AOPEP: variants seen among roughly 807,000 people sequenced by gnomAD.
AOPEP encodes the protein aminopeptidase O (putative), also known as aminopeptidase O.
AOPEP carries 77 observed loss-of-function variants against 98.1 expected under a neutral mutation model. The observed-to-expected ratio is 0.78, with a 90% CI of 0.65 to 0.95. AOPEP has a LOEUF of 0.95. AOPEP is among the 40% of genes least tolerant of loss of function. AOPEP has a pLI of 0.00. For missense variants in AOPEP, 1,024 were observed against 1,024.7 expected (o/e 1.00, Z 0.01); for synonymous variants, 346 against 365.3 (o/e 0.95, Z 0.60).
chr9:94,791,135 T>C (rs1281067557), intron 3 of AOPEP, among the ~76,000 whole-genome samples: 2 of 152,146 alleles, frequency 1.3e-5, no homozygotes, highest in African/African-American at 2.4e-5. Flanking sequence ...GTAGCACATA[T>C]ATACCATAGA....
intron 7 of AOPEP, among the ~76,000 whole-genome samples, chr9:94,945,375 C>A (rs1345052706): frequency 1.3e-5 from 2 of 152,176 alleles, no homozygotes; most frequent in Non-Finnish European, 2.9e-5. Context: ...CATTGGGCGT[C>A]ATCATGGTCA....
chr9:94,935,527 G>A (rs1164667785), intron 7 of AOPEP, among the ~76,000 whole-genome samples: 3 of 152,114 alleles, frequency 2.0e-5, no homozygotes, highest in Non-Finnish European at 4.4e-5. Flanking sequence ...TCAGTTGTTC[G>A]CATCAGGCAG....
At chr9:94,752,905 C>T (rs1836159368) in intron 1 of AOPEP, among the ~76,000 whole-genome samples, 1 of 152,160 alleles carries the variant, frequency 6.6e-6, no homozygotes, top group South Asian at 2.1e-4. Context: ...TCAACTGGTA[C>T]TTTGAGATGC....
At chr9:95,017,470 A>G (rs930183297) in intron 13 of AOPEP, among the ~76,000 whole-genome samples, 8 of 152,188 alleles carry the variant, frequency 5.3e-5, no homozygotes, top group African/African-American at 1.4e-4. Flanking sequence ...ATACAGTATT[A>G]TATTCTTATG....
At chr9:94,735,466 T>G (rs1831538408) in intron 1 of AOPEP, among the ~76,000 whole-genome samples, 1 of 152,138 alleles carries the variant, frequency 6.6e-6, no homozygotes, top group Non-Finnish European at 1.5e-5. Flanking sequence ...GTGATCCACC[T>G]GCCTTGGCCT....
chr9:95,012,905 GTTT>G (rs2062647276), intron 13 of AOPEP, among the ~76,000 whole-genome samples: 2 of 117,224 alleles, frequency 1.7e-5, no homozygotes, highest in Non-Finnish European at 3.5e-5. Flanking sequence ...CGCTATTCAG[GTTT>G]TTATTTATTT....
chr9:94,925,786 T>C (rs1282706873), intron 6 of AOPEP, among the ~76,000 whole-genome samples: 3 of 152,220 alleles, frequency 2.0e-5, no homozygotes, highest in Non-Finnish European at 2.9e-5. Flanking sequence ...CAGTCCTGGC[T>C]CTGCCATTCG....
In AOPEP at chr9:94,743,193, A is replaced by AGAAGAAGAG. The variant is rs201608054; in HGVS notation, c.-135-16429_-135-16421dup. Among the ~76,000 whole-genome samples the AGAAGAAGAG allele has an allele frequency of 7.6e-3, 926 of 121,964 alleles. 6 individuals are homozygous for AGAAGAAGAG. The highest frequency in any genetic ancestry group is 0.015 in the African/African-American group (454 of 31,258). The allele number at this position is 121,964 out of a possible 152,430, so 80.0% of individuals were successfully genotyped here. A position where few individuals can be genotyped will look rare whatever the true frequency, so the allele number is the denominator to read the frequency against. On this transcript the variant is annotated intron_variant, in intron 1 of 16. Transcript: ENST00000375315. ...AAGAAGAAGAAGAAGAAGAAGAAGAAGAAGAAGAGGAAGAAGAGGAAGAAG... is the reference window on the plus strand; with the variant it reads ...AAGAAGAAGAAGAAGAAGAAGAAGAAGAAGAAGAGGAAGAAGAGGAAGAAGAGGAAGAAG...
the AOPEP span, among the ~76,000 whole-genome samples, chr9:95,125,670 C>CA: frequency 5.9e-5 from 9 of 152,044 alleles, no homozygotes; most frequent in Non-Finnish European, 1.5e-5. Context: ...ACAAAACAAA[C>CA]AAAAAAACTC....
the AOPEP span, among the ~76,000 whole-genome samples, chr9:95,116,051 G>A: frequency 3.9e-5 from 6 of 152,214 alleles, no homozygotes; most frequent in Admixed American, 6.5e-5. Flanking sequence ...ACTTCTGCCC[G>A]AAGCCACCTA....
intron 7 of AOPEP, among the ~76,000 whole-genome samples, chr9:94,953,202 G>T (rs1241997963): frequency 1.3e-5 from 2 of 152,188 alleles, no homozygotes; most frequent in Admixed American, 6.5e-5. Flanking sequence ...CAAAAACATT[G>T]CATGGCAGGA....
At chr9:94,919,187 AT>A (rs975919911) in intron 5 of AOPEP, among the ~76,000 whole-genome samples, 1 of 151,998 alleles carries the variant, frequency 6.6e-6, no homozygotes, top group African/African-American at 2.4e-5. Context: ...GTTTTTCAGA[AT>A]TTTTAAGAAA....
At chr9:94,837,082 A>G (rs902042675) in intron 5 of AOPEP, among the ~76,000 whole-genome samples, 1 of 152,332 alleles carries the variant, frequency 6.6e-6, no homozygotes, top group South Asian at 2.1e-4. Flanking sequence ...AGATGTTACA[A>G]CCAACACCAC....
At chr9:95,045,662 C>T (rs1403711883) in intron 13 of AOPEP, among the ~76,000 whole-genome samples, 3 of 152,208 alleles carry the variant, frequency 2.0e-5, no homozygotes, top group Non-Finnish European at 4.4e-5. Flanking sequence ...GCTGCCCTCT[C>T]CTAAGGGCCA....
At chr9:95,081,580 A>C (rs1288306459) in intron 15 of AOPEP, among the ~76,000 whole-genome samples, 1 of 152,210 alleles carries the variant, frequency 6.6e-6, no homozygotes, top group Non-Finnish European at 1.5e-5. Flanking sequence ...TTATTCCTAC[A>C]AAGAAAAGTA....
intron 7 of AOPEP, among the ~76,000 whole-genome samples, chr9:94,948,355 C>G (rs2057841127): frequency 6.7e-6 from 1 of 149,302 alleles, no homozygotes; most frequent in African/African-American, 2.6e-5. Context: ...CACATCCATT[C>G]TACTAGCTGC....
intron 13 of AOPEP, among the ~76,000 whole-genome samples, chr9:95,053,711 TTGTTG>T (rs1443278148): frequency 6.2e-4 from 6 of 9,632 alleles, no homozygotes; most frequent in Non-Finnish European, 4.9e-3. Flanking sequence ...TTCATTTTTG[TTGTTG>T]TTGTTGTTGT....
intron 11 of AOPEP, among the ~76,000 whole-genome samples, chr9:94,982,564 A>AATTTTTTTTTTTT (rs1564480333): frequency 7.1e-6 from 1 of 140,098 alleles, no homozygotes; most frequent in African/African-American, 2.9e-5. Flanking sequence ...CAAGAGCAAT[A>AATTTTTTTTTTTT]CTTTTTTTTT....
At chr9:95,021,345 A>T (rs1424736279) in intron 13 of AOPEP, among the ~76,000 whole-genome samples, 1 of 152,208 alleles carries the variant, frequency 6.6e-6, no homozygotes, top group Non-Finnish European at 1.5e-5. Context: ...GCAAGTACTG[A>T]GCTGATTCAG....
Sources: allele counts gnomAD v4.1 joint callset (sites outside exome capture counted in the v4.1 genomes callset), GRCh38; gene constraint gnomAD v4.1.1; transcripts MANE v1.5; gene names NCBI Gene and HGNC (gene_info 2026-07-23, HGNC 2026-07-21).